Variants in PCSK2 observed in about 807,000 individuals in gnomAD.
PCSK2 encodes the protein proprotein convertase subtilisin/kexin type 2.
A neutral mutation model predicts 69.7 loss-of-function variants in PCSK2; 14 were observed. That is an observed-to-expected ratio of 0.20 (90% CI 0.13 to 0.31). The LOEUF (loss-of-function observed/expected upper bound fraction) is 0.31. Among genes scored for constraint, PCSK2 ranks in the 10% least tolerant of loss-of-function variants. PCSK2 has a pLI of 1.00. For synonymous variants in PCSK2, 307 were observed against 320.7 expected (o/e 0.96, Z 0.46); for missense variants, 544 against 842.5 (o/e 0.65, Z 4.39).
chr20:17,436,507 G>A (rs1383497807), intron 7 of PCSK2, among the ~76,000 whole-genome samples: 1 of 152,190 alleles, frequency 6.6e-6, no homozygotes, highest in Non-Finnish European at 1.5e-5. Context: ...CATTACATCA[G>A]CAAAGATGTG....
chr20:17,291,028 T>A (rs953846603), intron 2 of PCSK2, among the ~76,000 whole-genome samples: 2 of 152,122 alleles, frequency 1.3e-5, no homozygotes, highest in Non-Finnish European at 2.9e-5. Flanking sequence ...TCCCACCTCT[T>A]AATATTGTTA....
chr20:17,230,537 G>A (rs1388352849), intron 1 of PCSK2, among the ~76,000 whole-genome samples: 3 of 152,144 alleles, frequency 2.0e-5, no homozygotes, highest in African/African-American at 7.2e-5. Flanking sequence ...TTCCCTGACT[G>A]CCAAGAACTC....
intron 9 of PCSK2, 82 bp downstream of exon 9, chr20:17,454,039 C>A: frequency 6.4e-7 from 1 of 1,568,570 alleles, no homozygotes; most frequent in East Asian, 2.3e-5. Context: ...CACTGGCTTG[C>A]TCCCCTCCTG....
intron 7 of PCSK2, among the ~76,000 whole-genome samples, chr20:17,435,692 G>A (rs1600577816): frequency 6.6e-6 from 1 of 152,158 alleles, no homozygotes; most frequent in Admixed American, 6.5e-5. Flanking sequence ...CGCAGTGGGT[G>A]GAAAGACTCA....
At chr20:17,238,871 C>T (rs1338141922) in intron 1 of PCSK2, among the ~76,000 whole-genome samples, 2 of 152,174 alleles carry the variant, frequency 1.3e-5, no homozygotes, top group African/African-American at 4.8e-5. Context: ...ACTTCCTTGA[C>T]TACTCCCTTA....
intron 2 of PCSK2, among the ~76,000 whole-genome samples, chr20:17,341,141 GA>G (rs751123190): frequency 2.6e-4 from 40 of 152,334 alleles, no homozygotes; most frequent in Middle Eastern, 3.4e-3. Context: ...TTGGGAGGCT[GA>G]AGCAGCAGAA....
At chr20:17,270,482 A>G (rs1039312255) in intron 2 of PCSK2, among the ~76,000 whole-genome samples, 2 of 152,146 alleles carry the variant, frequency 1.3e-5, no homozygotes, top group South Asian at 4.1e-4. Flanking sequence ...CTGAATAACA[A>G]CCCAATTGCT....
chr20:17,449,639 T>C (rs2032780389), intron 8 of PCSK2, among the ~76,000 whole-genome samples: 2 of 150,434 alleles, frequency 1.3e-5, no homozygotes, highest in Non-Finnish European at 3.0e-5. Context: ...CAAGCAATTC[T>C]GACTCAGCCT....
intron 7 of PCSK2, among the ~76,000 whole-genome samples, chr20:17,430,550 C>G (rs16999183): frequency 0.038 from 5,806 of 152,228 alleles, 397 homozygotes; most frequent in African/African-American, 0.13. Flanking sequence ...AGAGGCTTGC[C>G]TGAACTGGGT....
intron 6 of PCSK2, among the ~76,000 whole-genome samples, chr20:17,428,225 G>A (rs1197892626): frequency 6.6e-6 from 1 of 152,148 alleles, no homozygotes; most frequent in Non-Finnish European, 1.5e-5. Flanking sequence ...CCAGCCTTTG[G>A]TGAACTGTTT....
At chr20:17,465,740 C>T (rs909484919) in intron 11 of PCSK2, among the ~76,000 whole-genome samples, 187 bp downstream of exon 11, 2 of 152,172 alleles carry the variant, frequency 1.3e-5, no homozygotes, top group Non-Finnish European at 2.9e-5. Context: ...GTGATCACAG[C>T]TCACTGCAGC....
intron 2 of PCSK2, among the ~76,000 whole-genome samples, chr20:17,325,994 G>T (rs1990039205): frequency 6.6e-6 from 1 of 152,248 alleles, no homozygotes; most frequent in Non-Finnish European, 1.5e-5. Context: ...AATGACAGAA[G>T]CAAAAGAGGT....
chr20:17,472,909 C>G (rs537325879), intron 11 of PCSK2, among the ~76,000 whole-genome samples: 1 of 152,180 alleles, frequency 6.6e-6, no homozygotes, highest in East Asian at 1.9e-4. Context: ...AAGAAGCATT[C>G]CCCAGGGCCT....
intron 2 of PCSK2, among the ~76,000 whole-genome samples, chr20:17,330,762 G>A (rs905529058): frequency 6.6e-6 from 1 of 152,158 alleles, no homozygotes; most frequent in African/African-American, 2.4e-5. Context: ...TCTGAGGCTG[G>A]ACCAGCAGCT....
chr20:17,371,665 A>G (rs1343132527), intron 5 of PCSK2, among the ~76,000 whole-genome samples: 1 of 152,104 alleles, frequency 6.6e-6, no homozygotes, highest in Non-Finnish European at 1.5e-5. Context: ...CTATGTGTCT[A>G]TTTTTAATGA....
At chr20:17,467,005 C>T (rs1453678572) in intron 11 of PCSK2, among the ~76,000 whole-genome samples, 1 of 152,244 alleles carries the variant, frequency 6.6e-6, no homozygotes, top group African/African-American at 2.4e-5. Context: ...CCGTGGCTTA[C>T]ATCATTTAAA....
chr20:17,339,412 T>C (rs6075193), intron 2 of PCSK2, among the ~76,000 whole-genome samples: 59,559 of 151,998 alleles, frequency 0.39, 12,836 homozygotes, highest in African/African-American at 0.56. Flanking sequence ...TCATGATCCG[T>C]CGACATTTCC....
intron 2 of PCSK2, among the ~76,000 whole-genome samples, chr20:17,315,443 G>A (rs896702178): frequency 6.6e-6 from 1 of 152,218 alleles, no homozygotes. Context: ...GTGGGTGGCC[G>A]ATCACTCTCT....
At chr20:17,374,092 T>C (rs563177124) in intron 5 of PCSK2, among the ~76,000 whole-genome samples, 49 of 152,346 alleles carry the variant, frequency 3.2e-4, no homozygotes, top group Middle Eastern at 3.4e-3. Flanking sequence ...CCATCTTCGC[T>C]ATAATAACTG....
Sources: allele counts gnomAD v4.1 joint callset (sites outside exome capture counted in the v4.1 genomes callset), GRCh38; gene constraint gnomAD v4.1.1; transcripts MANE v1.5; gene names NCBI Gene and HGNC (gene_info 2026-07-23, HGNC 2026-07-21).